NEGR1: variants seen among roughly 807,000 people sequenced by gnomAD.
NEGR1 encodes IgLON family member 4.
A neutral mutation model predicts 40.9 loss-of-function variants in NEGR1; 10 were observed. That is an observed-to-expected ratio of 0.24 (90% CI 0.15 to 0.42). The LOEUF (loss-of-function observed/expected upper bound fraction) is 0.42, where lower values mean the gene tolerates loss of function less well. Ranked by LOEUF, NEGR1 falls within the 10% of genes least tolerant of loss-of-function variation. The pLI is 1.00. For missense variants in NEGR1, 352 were observed against 438.9 expected, an observed-to-expected ratio of 0.80 and a Z score of 1.77; for synonymous variants, 185 against 166.8, an observed-to-expected ratio of 1.11 and a Z score of -0.84.
chr1:72,274,981 A>G, intron 1 of NEGR1: 2 of 1,533,408 alleles, frequency 1.3e-6, no homozygotes, highest in East Asian at 2.3e-5. Flanking sequence ...GTACATTGCC[A>G]TAGTTAGTAC....
chr1:71,904,426 T>G (rs1346499862), intron 2 of NEGR1, among the ~76,000 whole-genome samples: 8 of 152,068 alleles, frequency 5.3e-5, no homozygotes, highest in Non-Finnish European at 1.2e-4. Flanking sequence ...CATTCTTAAA[T>G]GAAAGATAAT....
chr1:72,064,072 G>A lies in NEGR1; in HGVS notation c.177-128761C>T, dbSNP rs1032695271. ...AAATTTGTAAAAGTTATTAAAAAAA[G>A]GAAAAAAAAAACTTTCTTCTTGCAT... On this transcript the variant is annotated intron_variant, in intron 1 of 6. Transcript: ENST00000357731. Among the ~76,000 whole-genome samples, 25 of 151,216 alleles carry A rather than the reference G, an allele frequency of 1.7e-4. No individual in the cohort carries two copies. The East Asian group carries it at 3.7e-3, about 22-fold the overall frequency.
chr1:71,451,461 G>A (rs1040361186), intron 6 of NEGR1, among the ~76,000 whole-genome samples: 1 of 151,608 alleles, frequency 6.6e-6, no homozygotes, highest in African/African-American at 2.4e-5. Flanking sequence ...AGCCTCCCGA[G>A]TAGCTGGGAT....
At chr1:71,473,685 A>G (rs1646798359) in intron 6 of NEGR1, among the ~76,000 whole-genome samples, 2 of 152,084 alleles carry the variant, frequency 1.3e-5, no homozygotes, top group Admixed American at 6.6e-5. Context: ...CTTATTTTCA[A>G]TGAACCTGGA....
chr1:72,247,973 G>T (rs1319023702), intron 1 of NEGR1, among the ~76,000 whole-genome samples: 1 of 152,072 alleles, frequency 6.6e-6, no homozygotes, highest in Non-Finnish European at 1.5e-5. Flanking sequence ...AGTAGCAGGT[G>T]CATCACGTGG....
intron 1 of NEGR1, among the ~76,000 whole-genome samples, chr1:71,973,772 G>T (rs948449096): frequency 5.3e-5 from 8 of 152,114 alleles, no homozygotes. Flanking sequence ...TATAACAACA[G>T]ATAATTGGAA....
intron 1 of NEGR1, among the ~76,000 whole-genome samples, chr1:72,080,133 G>T (rs568923121): frequency 4.0e-5 from 6 of 151,858 alleles, no homozygotes; most frequent in Non-Finnish European, 7.4e-5. Context: ...TATTATTGTT[G>T]GTCTTCACAA....
chr1:72,095,189 A>G (rs13376690), intron 1 of NEGR1, among the ~76,000 whole-genome samples: 5,580 of 152,210 alleles, frequency 0.037, 343 homozygotes, highest in African/African-American at 0.13. Flanking sequence ...ATATACATAC[A>G]TTAGTGGTGA....
rs577509710 is a variant in NEGR1 at position 71,746,756 on chromosome 1, G to A, written c.535+29416C>T. Among the ~76,000 whole-genome samples the A allele has an allele frequency of 6.3e-3, 926 of 147,720 alleles. 7 individuals are homozygous for A. Among genetic ancestry groups the A allele is most frequent in the African/African-American group, 0.015 (609 of 39,452 alleles). ...TACACACACATGTACACACACACAC[G>A]CGTACACACACACACGCACACACAC... On this transcript the variant is annotated intron_variant, in intron 3 of 6. Transcript: ENST00000357731.
intron 1 of NEGR1, among the ~76,000 whole-genome samples, chr1:72,237,065 A>C (rs951702991): frequency 5.9e-5 from 9 of 152,112 alleles, no homozygotes; most frequent in Non-Finnish European, 1.0e-4. Flanking sequence ...TTAACATATT[A>C]TCTTTCAAGA....
chr1:71,594,723 T>C (rs1649632184), intron 5 of NEGR1, among the ~76,000 whole-genome samples: 2 of 152,236 alleles, frequency 1.3e-5, no homozygotes, highest in African/African-American at 4.8e-5. Flanking sequence ...GTCATTATTA[T>C]ATATTTTCTG....
intron 2 of NEGR1, among the ~76,000 whole-genome samples, chr1:71,871,474 C>G (rs1660275907): frequency 6.6e-6 from 1 of 152,136 alleles, no homozygotes; most frequent in Non-Finnish European, 1.5e-5. Flanking sequence ...TTTCGAGCCA[C>G]TTTTTCATGC....
At chr1:71,540,803 G>C (rs949475855) in intron 6 of NEGR1, among the ~76,000 whole-genome samples, 1 of 151,674 alleles carries the variant, frequency 6.6e-6, no homozygotes, top group African/African-American at 2.4e-5. Context: ...ATTGGCTAAT[G>C]GTTCTGCAGG....
intron 2 of NEGR1, among the ~76,000 whole-genome samples, chr1:71,837,301 C>G (rs890410523): frequency 3.3e-5 from 5 of 152,108 alleles, no homozygotes; most frequent in African/African-American, 1.2e-4. Flanking sequence ...CCTAACAACT[C>G]TCTGACAAAG....
intron 2 of NEGR1, among the ~76,000 whole-genome samples, chr1:71,849,536 C>T (rs1169654330): frequency 2.0e-5 from 3 of 152,078 alleles, no homozygotes; most frequent in Non-Finnish European, 4.4e-5. Context: ...ATTTAGAGTA[C>T]TACATAAATT....
intron 6 of NEGR1, among the ~76,000 whole-genome samples, chr1:71,542,639 C>T (rs577156659): frequency 6.6e-6 from 1 of 151,830 alleles, no homozygotes; most frequent in Non-Finnish European, 1.5e-5. Flanking sequence ...TTTTCACTCC[C>T]AATCGAGTGA....
intron 6 of NEGR1, among the ~76,000 whole-genome samples, chr1:71,529,986 C>A (rs936455306): frequency 2.0e-5 from 3 of 151,160 alleles, no homozygotes; most frequent in African/African-American, 7.3e-5. Flanking sequence ...TCAGGACCTT[C>A]ATTTCTTCAG....
chr1:72,007,606 A>G (rs1184735298), intron 1 of NEGR1, among the ~76,000 whole-genome samples: 3 of 152,196 alleles, frequency 2.0e-5, no homozygotes, highest in Non-Finnish European at 4.4e-5. Flanking sequence ...TGGAAAGAGT[A>G]CGAAGAAAAG....
chr1:71,983,082 A>G (rs2768381), intron 1 of NEGR1, among the ~76,000 whole-genome samples: 27,150 of 152,046 alleles, frequency 0.18, 3,200 homozygotes, highest in African/African-American at 0.34. Flanking sequence ...TTTAAACTAT[A>G]TTTAATAGTT....
Sources: gnomAD v4.1 joint callset for allele counts (sites outside exome capture counted in the v4.1 genomes callset) on GRCh38, gnomAD v4.1.1 for gene constraint, MANE v1.5 for transcripts, NCBI Gene and HGNC (gene_info 2026-07-23, HGNC 2026-07-21) for gene names.